GPD2: variants seen among roughly 807,000 people sequenced by gnomAD.
GPD2 encodes the protein glycerol-3-phosphate dehydrogenase, mitochondrial.
In GPD2, 54 loss-of-function variants were observed where a neutral mutation model predicts 82.4. The ratio of observed to expected loss-of-function variants is 0.66; its 90% CI spans 0.53 to 0.82. The LOEUF (loss-of-function observed/expected upper bound fraction) is 0.82, where lower values mean the gene tolerates loss of function less well. Ranked by LOEUF, GPD2 falls within the 40% of genes least tolerant of loss-of-function variation. The pLI, the probability that GPD2 is intolerant of heterozygous loss-of-function variation, is 0.00. For synonymous variants in GPD2, 288 were observed against 306.1 expected, an observed-to-expected ratio of 0.94 and a Z score of 0.62; for missense variants, 748 against 896.2, an observed-to-expected ratio of 0.83 and a Z score of 2.11.
At chr2:156,543,522 G>T (rs985587346) in intron 6 of GPD2, among the ~76,000 whole-genome samples, 1 of 152,178 alleles carries the variant, frequency 6.6e-6, no homozygotes, top group Admixed American at 6.5e-5. Context: ...ATAAATGAGT[G>T]AATATTCCAT....
intron 1 of GPD2, among the ~76,000 whole-genome samples, chr2:156,451,607 C>G (rs1354222285): frequency 8.0e-6 from 1 of 124,360 alleles, no homozygotes; most frequent in Non-Finnish European, 1.7e-5. Context: ...GCGGCTGGCC[C>G]GGCAGAGGGG....
rs368601438 is a variant in GPD2, at chr2:156,451,620, C to T, written c.-9+15107C>T. Among the ~76,000 whole-genome samples, 36 of 142,762 alleles carry T rather than the reference C, an allele frequency of 2.5e-4. No individual in the cohort carries two copies. The East Asian group carries it at 6.8e-3, about 27-fold the overall frequency. 93.7% of individuals were successfully genotyped at this position (142,762 alleles called of 152,430 possible). ...GGGCGGCTGGCCCGGCAGAGGGGCT[C>T]CTCACTTCCCAGTAGGGGCGGCTGG... is the stretch of plus-strand genomic sequence containing the variant. On this transcript the variant is annotated intron_variant, in intron 1 of 16. Transcript: ENST00000438166.
chr2:156,528,497 T>C (rs1436954732), intron 6 of GPD2, among the ~76,000 whole-genome samples: 1 of 151,772 alleles, frequency 6.6e-6, no homozygotes, highest in Non-Finnish European at 1.5e-5. Flanking sequence ...TGCAGGTTAG[T>C]TACATATGTA....
chr2:156,489,990 A>G (rs999153593), intron 2 of GPD2, among the ~76,000 whole-genome samples: 1 of 150,144 alleles, frequency 6.7e-6, no homozygotes, highest in East Asian at 2.0e-4. Context: ...CCCAGTTAAT[A>G]TAGGGCCTAT....
At chr2:156,559,676 T>A (rs1012879272) in intron 9 of GPD2, among the ~76,000 whole-genome samples, 15 of 152,344 alleles carry the variant, frequency 9.8e-5, no homozygotes, top group African/African-American at 3.6e-4. Flanking sequence ...GTAATTTCAT[T>A]CTTAAGAGTC....
intron 1 of GPD2, among the ~76,000 whole-genome samples, chr2:156,452,437 G>C (rs561857536): frequency 6.6e-6 from 1 of 152,268 alleles, no homozygotes; most frequent in Non-Finnish European, 1.5e-5. Flanking sequence ...ACCTGCAATC[G>C]CAGGCTGAGG....
chr2:156,564,421 G>C (rs1215394507), intron 9 of GPD2, among the ~76,000 whole-genome samples: 3 of 152,126 alleles, frequency 2.0e-5, no homozygotes, highest in Non-Finnish European at 2.9e-5. Flanking sequence ...AATTTCCACT[G>C]TGGGTAAATA....
At chr2:156,420,272 A>G in the GPD2 span, among the ~76,000 whole-genome samples, 1 of 152,030 alleles carries the variant, frequency 6.6e-6, no homozygotes. Context: ...CCTGGGTTCA[A>G]GCAATTCTCC....
At chr2:156,505,667 T>TC (rs1684761519) in intron 3 of GPD2, among the ~76,000 whole-genome samples, 1 of 152,198 alleles carries the variant, frequency 6.6e-6, no homozygotes, top group Non-Finnish European at 1.5e-5. Context: ...GGAAGATCTC[T>TC]CCCCAGCCTC....
upstream of GPD2, chr2:156,435,391 G>A (rs1260750934): frequency 6.6e-6 from 1 of 151,824 alleles, no homozygotes; most frequent in East Asian, 1.9e-4. Context: ...GGCTTGTCTA[G>A]CCCTAGGAGT....
intron 6 of GPD2, among the ~76,000 whole-genome samples, chr2:156,545,592 A>G (rs938559426): frequency 6.6e-6 from 1 of 152,260 alleles, no homozygotes; most frequent in Non-Finnish European, 1.5e-5. Context: ...ACTGGCAGGT[A>G]GATATCAGAT....
intron 6 of GPD2, among the ~76,000 whole-genome samples, chr2:156,536,554 A>G (rs971440177): frequency 2.6e-5 from 4 of 152,244 alleles, no homozygotes; most frequent in Admixed American, 1.3e-4. Flanking sequence ...ATCTATTTAC[A>G]GCTATACGTG....
Position 156,585,101 on chromosome 2 carries a change from C to G in GPD2, c.*2183C>G, listed in dbSNP as rs1478778786. The G allele has an allele frequency of 6.6e-6, 1 of 152,026 alleles. No homozygotes were observed. The highest frequency in any genetic ancestry group is 1.5e-5 in the Non-Finnish European group (1 of 67,942). The allele number at this position is 152,026 out of a possible 1,614,324, so 9.4% of individuals were successfully genotyped here. On this transcript the variant is annotated 3_prime_UTR_variant, in exon 17 of 17. Coordinates refer to ENST00000438166, the MANE Select transcript of GPD2 (RefSeq NM_000408.5). ...AATTTCTAAAATGTAGAGTCCTTCA[C>G]CAATCCCAGAGACTCAATTTGGAAA...
chr2:156,475,781 C>A (rs543700795), intron 1 of GPD2, among the ~76,000 whole-genome samples: 106 of 152,214 alleles, frequency 7.0e-4, no homozygotes, highest in African/African-American at 2.4e-3. Flanking sequence ...TGTTAAATAC[C>A]CAATGACATT....
intron 15 of GPD2, 144 bp downstream of exon 15, chr2:156,579,308 A>T (rs921054526): frequency 8.4e-6 from 5 of 595,492 alleles, no homozygotes; most frequent in Admixed American, 3.2e-5. Flanking sequence ...GCATATTTAT[A>T]ATTTTTTTTC....
chr2:156,448,187 C>A (rs1290405943), intron 1 of GPD2, among the ~76,000 whole-genome samples: 1 of 151,564 alleles, frequency 6.6e-6, no homozygotes, highest in Non-Finnish European at 1.5e-5. Context: ...CGGCTCATTG[C>A]AACCTCCGCC....
chr2:156,491,367 G>T (rs1432376526), intron 2 of GPD2, among the ~76,000 whole-genome samples: 1 of 152,194 alleles, frequency 6.6e-6, no homozygotes, highest in Non-Finnish European at 1.5e-5. Flanking sequence ...TAAATGATTG[G>T]ATGTGGCTAT....
At chr2:156,507,264 TC>T in intron 3 of GPD2, among the ~76,000 whole-genome samples, 2 of 151,356 alleles carry the variant, frequency 1.3e-5, no homozygotes, top group East Asian at 3.9e-4. Context: ...CTCCCACCCC[TC>T]CCAAAGTGCT....
chr2:156,585,128 G>T lies in GPD2; in HGVS notation c.*2210G>T, dbSNP rs113552464. 1 of 152,064 alleles carries T rather than the reference G, an allele frequency of 6.6e-6. No homozygotes were observed. The highest frequency in any genetic ancestry group is 2.1e-4 in the South Asian group (1 of 4,830). 9.4% of individuals were successfully genotyped at this position (152,064 alleles called of 1,614,324 possible). On this transcript the variant is annotated 3_prime_UTR_variant, in exon 17 of 17. Coordinates refer to ENST00000438166, the MANE Select transcript of GPD2 (RefSeq NM_000408.5). ...AATCCCAGAGACTCAATTTGGAAAT[G>T]AACTGATTTCAAGCCGTTACTGTGA...
Sources: allele counts gnomAD v4.1 joint callset (sites outside exome capture counted in the v4.1 genomes callset), GRCh38; gene constraint gnomAD v4.1.1; transcripts MANE v1.5; gene names NCBI Gene and HGNC (gene_info 2026-07-23, HGNC 2026-07-21).